OTOP1: variants seen among roughly 807,000 people sequenced by gnomAD.
The protein encoded by OTOP1 is otopetrin 1, also known as proton channel OTOP1.
Under a neutral mutation model 52.9 loss-of-function variants are expected in OTOP1, and 59 were observed. The ratio of observed to expected loss-of-function variants is 1.12; its 90% CI spans 0.91 to 1.39. OTOP1 has a LOEUF of 1.39. Ranked by LOEUF, OTOP1 falls within the 40% of genes most tolerant of loss-of-function variation. The probability of loss-of-function intolerance (pLI) is 0.00; values close to 1 mark genes in which losing one functional copy is unlikely to be tolerated. For missense variants in OTOP1, 761 were observed against 800.9 expected (o/e 0.95, Z 0.60); for synonymous variants, 317 against 337.7 (o/e 0.94, Z 0.67).
intron 1 of OTOP1, among the ~76,000 whole-genome samples, chr4:4,218,262 A>G (rs1717191236): frequency 6.6e-6 from 1 of 151,738 alleles, no homozygotes; most frequent in African/African-American, 2.4e-5. Context: ...TGTGGTGGCA[A>G]GCACCTGTAG....
chr4:4,210,549 G>A (rs1436712626), intron 2 of OTOP1, among the ~76,000 whole-genome samples: 1 of 152,164 alleles, frequency 6.6e-6, no homozygotes, highest in Admixed American at 6.5e-5. Context: ...AAGACACCAG[G>A]GCCAGACGCG....
At chr4:4,226,353 A>G in intron 1 of OTOP1, 109 bp downstream of exon 1, 2 of 1,107,238 alleles carry the variant, frequency 1.8e-6, no homozygotes, top group South Asian at 2.0e-5. Context: ...AGACCAAGGC[A>G]GAAAAGGCTG....
intron 5 of OTOP1, among the ~76,000 whole-genome samples, chr4:4,191,596 G>A (rs2108794487): frequency 6.6e-6 from 1 of 152,242 alleles, no homozygotes; most frequent in South Asian, 2.1e-4. Flanking sequence ...CCTCTGCCCT[G>A]AACATGCGTG....
chr4:4,222,913 G>A (rs1717331936), intron 1 of OTOP1, among the ~76,000 whole-genome samples: 1 of 152,140 alleles, frequency 6.6e-6, no homozygotes, highest in South Asian at 2.1e-4. Context: ...GAATGGCCAG[G>A]GCTTTGCAAA....
In OTOP1 at chr4:4,197,697, C is replaced by G; in HGVS notation, c.1137G>C (p.Leu379=). The change falls in exon 5 of 6, where the codon CTG becomes CTC. Residue 379 remains leucine (L), a synonymous_variant. Transcript: ENST00000296358. Reference sequence around the variant, plus strand: ...TGCGGGCCGGATTTTTGGACTCATCCAGTGACTTCTCGTCTATCCTGTAAA... The same window carrying G: ...TGCGGGCCGGATTTTTGGACTCATCGAGTGACTTCTCGTCTATCCTGTAAA... ...IRIYRIDEKS[L]DESKNPARKL... is the part of the protein sequence containing the mutation. 6.2e-7 allele frequency: 1 copy of G among 1,613,816 alleles called. No individual in the cohort carries two copies. The highest frequency in any genetic ancestry group is 8.5e-7 in the Non-Finnish European group (1 of 1,179,996).
At chr4:4,203,629 C>A (rs1184337904) in intron 3 of OTOP1, among the ~76,000 whole-genome samples, 5 of 152,194 alleles carry the variant, frequency 3.3e-5, no homozygotes, top group Non-Finnish European at 7.3e-5. Flanking sequence ...CTGATTTCTT[C>A]AAATACTCCA....
chr4:4,199,050 G>T (rs1051778928), intron 4 of OTOP1, among the ~76,000 whole-genome samples: 4 of 152,046 alleles, frequency 2.6e-5, no homozygotes, highest in Non-Finnish European at 4.4e-5. Flanking sequence ...AATTAGCCAG[G>T]TGTGGTGGCA....
intron 4 of OTOP1, among the ~76,000 whole-genome samples, chr4:4,198,701 A>G (rs1327084347): frequency 6.6e-6 from 1 of 152,190 alleles, no homozygotes; most frequent in African/African-American, 2.4e-5. Context: ...GTGCGGGGAA[A>G]GTAAACGGGT....
At chr4:4,198,311 T>C (rs1218834685) in intron 4 of OTOP1, among the ~76,000 whole-genome samples, 1 of 152,176 alleles carries the variant, frequency 6.6e-6, no homozygotes, top group African/African-American at 2.4e-5. Flanking sequence ...ATTACCTAAA[T>C]CACATTCATT....
intron 1 of OTOP1, among the ~76,000 whole-genome samples, chr4:4,224,111 G>T (rs1349540255): frequency 6.6e-6 from 1 of 152,064 alleles, no homozygotes; most frequent in Non-Finnish European, 1.5e-5. Context: ...CACTTTGGGA[G>T]GCTGAGGCAG....
chr4:4,219,678 C>T, intron 1 of OTOP1, among the ~76,000 whole-genome samples: 1 of 137,288 alleles, frequency 7.3e-6, no homozygotes, highest in East Asian at 2.1e-4. Context: ...GCCTGGGCGA[C>T]AGAGCGAGAC....
rs1553852440 is a variant in OTOP1 at position 4,201,471 on chromosome 4, T to TATATACAC, written c.730+976_730+977insGTGTATAT. Among the ~76,000 whole-genome samples, 156 of 140,850 alleles carry TATATACAC rather than the reference T, an allele frequency of 1.1e-3. 3 individuals carry two copies. The South Asian group carries it at 0.034, about 31-fold the overall frequency. 92.4% of individuals were successfully genotyped at this position (140,850 alleles called of 152,430 possible). On this transcript the variant is annotated intron_variant, in intron 4 of 5. Coordinates refer to ENST00000296358, the MANE Select transcript of OTOP1 (RefSeq NM_177998.3). ...GAATAAATAAATAAATATATATATA[T>TATATACAC]ACACACACACACACACACACACACA...
At chr4:4,212,535 G>T (rs914733338) in intron 2 of OTOP1, among the ~76,000 whole-genome samples, 1 of 152,132 alleles carries the variant, frequency 6.6e-6, no homozygotes, top group African/African-American at 2.4e-5. Flanking sequence ...TATACGCCAC[G>T]TGAATTCTCT....
chr4:4,212,537 G>A (rs1376356853), intron 2 of OTOP1, among the ~76,000 whole-genome samples: 1 of 152,190 alleles, frequency 6.6e-6, no homozygotes, highest in East Asian at 1.9e-4. Flanking sequence ...TACGCCACGT[G>A]AATTCTCTCA....
chr4:4,189,850 A>G (rs1677806983), intron 5 of OTOP1, among the ~76,000 whole-genome samples: 1 of 152,224 alleles, frequency 6.6e-6, no homozygotes, highest in South Asian at 2.1e-4. Context: ...TCACATGAGT[A>G]GATTTGGAAA....
chr4:4,210,563 C>G (rs895639360), intron 2 of OTOP1, among the ~76,000 whole-genome samples: 2 of 152,134 alleles, frequency 1.3e-5, no homozygotes, highest in African/African-American at 4.8e-5. Flanking sequence ...AGACGCGGTG[C>G]CTCAGGCCTG....
At chr4:4,209,850 C>T (rs1160362627) in intron 2 of OTOP1, among the ~76,000 whole-genome samples, 2 of 152,232 alleles carry the variant, frequency 1.3e-5, no homozygotes, top group East Asian at 1.9e-4. Context: ...GCCCACACAT[C>T]GCCCCCCTAC....
Position 4,202,572 on chromosome 4 carries a change from T to C in OTOP1, c.606A>G (p.Gly202=), listed in dbSNP as rs2920182. The part of the protein sequence containing the change: ...IQSFKTLERF[G]VIHSVFTNLL... ...GGTTGGTGAACACCGAGTGGATCACTCCAAACCTGAAAAACACAAGGACTC... is the reference window on the plus strand; with the variant it reads ...GGTTGGTGAACACCGAGTGGATCACCCCAAACCTGAAAAACACAAGGACTC... The change falls in exon 4 of 6, where the codon GGA becomes GGG. Residue 202 remains glycine, a synonymous_variant. Coordinates refer to ENST00000296358, the MANE Select transcript of OTOP1 (RefSeq NM_177998.3). The C allele has an allele frequency of 0.78, 1,251,812 of 1,613,176 alleles. 488,337 individuals carry two copies. Among genetic ancestry groups the C allele is most frequent in the African/African-American group, 0.94 (70,682 of 75,002 alleles).
chr4:4,213,223 C>T (rs550932685), intron 1 of OTOP1, among the ~76,000 whole-genome samples: 65 of 152,188 alleles, frequency 4.3e-4, no homozygotes, highest in Admixed American at 8.5e-4. Context: ...AATTTGGACC[C>T]TCACCTTACA....
Sources: allele counts gnomAD v4.1 joint callset (sites outside exome capture counted in the v4.1 genomes callset), GRCh38; gene constraint gnomAD v4.1.1; transcripts MANE v1.5; gene names NCBI Gene and HGNC (gene_info 2026-07-23, HGNC 2026-07-21).